The following CFTR variants were observed in gnomAD, a reference collection of about 807,000 sequenced individuals.
CFTR encodes CF transmembrane conductance regulator, also known as cystic fibrosis transmembrane conductance regulator.
Under a neutral mutation model 171.6 loss-of-function variants are expected in CFTR, and 181 were observed. That is an observed-to-expected ratio of 1.05 (90% CI 0.93 to 1.19). The LOEUF (loss-of-function observed/expected upper bound fraction) is 1.19. Among genes scored for constraint, CFTR ranks in the 50% most tolerant of loss-of-function variants. The pLI is 0.00. For missense variants in CFTR, 1,968 were observed against 1,734.7 expected, an observed-to-expected ratio of 1.13 and a Z score of -2.39; for synonymous variants, 583 against 608.0, an observed-to-expected ratio of 0.96 and a Z score of 0.60.
intron 11 of CFTR, among the ~76,000 whole-genome samples, chr7:117,572,457 A>T (rs1003606290): frequency 1.1e-4 from 16 of 152,158 alleles, no homozygotes; most frequent in African/African-American, 3.6e-4. Flanking sequence ...CCCAATTTTA[A>T]TTTCTGAATT....
chr7:117,599,343 G>A (rs928052986), intron 15 of CFTR, among the ~76,000 whole-genome samples: 2 of 152,224 alleles, frequency 1.3e-5, no homozygotes, highest in South Asian at 2.1e-4. Context: ...GCTCCATGGA[G>A]TTGAACTTAT....
chr7:117,519,103 T>C (rs35490261), intron 3 of CFTR, among the ~76,000 whole-genome samples: 2,235 of 152,130 alleles, frequency 0.015, 54 homozygotes, highest in African/African-American at 0.051. Flanking sequence ...ATACCAAAAC[T>C]AAAGCATTTT....
At position 117,611,707 on chromosome 7, in the gene CFTR, G is replaced by T; in HGVS notation, c.3266G>T (p.Trp1089Leu). The T allele has an allele frequency of 1.2e-6, 2 of 1,613,376 alleles. No individual in the cohort carries two copies. Among genetic ancestry groups the T allele is most frequent in the Admixed American group, 1.7e-5 (1 of 59,878 alleles). ...HKALNLHTAN[W>L]FLYLSTLRWF... is the part of the protein sequence containing the mutation. ...GCTCTGAATTTACATACTGCCAACTGGTTCTTGTACCTGTCAACACTGCGC... is the reference window on the plus strand; with the variant it reads ...GCTCTGAATTTACATACTGCCAACTTGTTCTTGTACCTGTCAACACTGCGC... Residue 1089 changes from tryptophan (W) to leucine (L), a missense_variant, in exon 20 of 27, where the codon TGG (tryptophan) becomes TTG (leucine). Physicochemically the swap from Trp to Leu is moderately conservative, Grantham distance 61 (BLOSUM62 -2). Transcript: ENST00000003084.
Position 117,509,546 on chromosome 7 carries a change from T to C in CFTR, c.273+404T>C, listed in dbSNP as rs568020669. Among the ~76,000 whole-genome samples the C allele has an allele frequency of 7.9e-5, 12 of 152,258 alleles. No homozygotes were observed. In the South Asian group the frequency reaches 2.5e-3, roughly 32 times the overall value. On this transcript the variant is annotated intron_variant, in intron 3 of 26. Coordinates refer to ENST00000003084, the MANE Select transcript of CFTR (RefSeq NM_000492.4). Reference sequence around the variant, plus strand: ...ATTACATATATGAATGTTTGTAATATTTTGAAATCATATCTGCATGGTGAA... The same window carrying C: ...ATTACATATATGAATGTTTGTAATACTTTGAAATCATATCTGCATGGTGAA...
chr7:117,539,442 G>T (rs190919564), intron 7 of CFTR, among the ~76,000 whole-genome samples: 12 of 150,734 alleles, frequency 8.0e-5, no homozygotes, highest in Non-Finnish European at 1.6e-4. Context: ...TGTTTCAAAC[G>T]CAAATCCTGG....
At chr7:117,620,238 C>T (rs1364029330) in intron 21 of CFTR, among the ~76,000 whole-genome samples, 2 of 152,142 alleles carry the variant, frequency 1.3e-5, no homozygotes, top group Non-Finnish European at 2.9e-5. Context: ...GTGGTAAGAG[C>T]CCTGCATTCT....
chr7:117,553,153 T>C (rs1436363374), intron 10 of CFTR, among the ~76,000 whole-genome samples: 1 of 152,016 alleles, frequency 6.6e-6, no homozygotes, highest in Non-Finnish European at 1.5e-5. Context: ...CCTCCAGAAC[T>C]GTGAGAAATA....
intron 21 of CFTR, 112 bp downstream of exon 21, chr7:117,614,825 A>C: frequency 1.4e-6 from 1 of 732,838 alleles, no homozygotes; most frequent in Non-Finnish European, 2.5e-6. Flanking sequence ...AAGAAATAAA[A>C]CATTACAGAT....
At chr7:117,482,440 A>G (rs1272996535) in intron 1 of CFTR, among the ~76,000 whole-genome samples, 3 of 152,180 alleles carry the variant, frequency 2.0e-5, no homozygotes, top group African/African-American at 7.2e-5. Context: ...CATCAAGTAT[A>G]AAATTTGAAG....
intron 3 of CFTR, among the ~76,000 whole-genome samples, chr7:117,521,284 C>T (rs1016772000): frequency 6.6e-6 from 1 of 151,726 alleles, no homozygotes; most frequent in Non-Finnish European, 1.5e-5. Flanking sequence ...ATATTTGTAC[C>T]TCGATCATTT....
chr7:117,592,798 T>A, intron 14 of CFTR, 141 bp downstream of exon 14: 1 of 624,224 alleles, frequency 1.6e-6, no homozygotes, highest in Non-Finnish European at 2.4e-6. Flanking sequence ...TGAAGTTCAT[T>A]AATTATACAA....
intron 21 of CFTR, among the ~76,000 whole-genome samples, chr7:117,624,006 A>C (rs1270453458): frequency 6.6e-6 from 1 of 151,694 alleles, no homozygotes; most frequent in East Asian, 1.9e-4. Context: ...TTTTTTTTTT[A>C]AGAGTTCCCC....
At chr7:117,644,556 T>A (rs570701804) in intron 23 of CFTR, among the ~76,000 whole-genome samples, 1 of 152,284 alleles carries the variant, frequency 6.6e-6, no homozygotes, top group Non-Finnish European at 1.5e-5. Context: ...ACATTAGAGA[T>A]CTCTGTATCA....
intron 21 of CFTR, among the ~76,000 whole-genome samples, chr7:117,624,265 CA>C (rs1451807613): frequency 5.9e-5 from 9 of 152,212 alleles, no homozygotes; most frequent in African/African-American, 2.2e-4. Flanking sequence ...TGTTGCCCTA[CA>C]TCATCTTTTG....
chr7:117,656,650 T>C (rs1021996655), intron 24 of CFTR, among the ~76,000 whole-genome samples: 1 of 152,162 alleles, frequency 6.6e-6, no homozygotes, highest in Admixed American at 6.5e-5. Context: ...TTTTAAAAAA[T>C]AAGCATTATA....
At chr7:117,591,355 A>G (rs965220352) in intron 13 of CFTR, among the ~76,000 whole-genome samples, 3 of 152,080 alleles carry the variant, frequency 2.0e-5, no homozygotes, top group Admixed American at 1.3e-4. Flanking sequence ...GATTCTAGTC[A>G]GGATTTACTT....
chr7:117,529,472 T>A (rs1434255860), intron 3 of CFTR, among the ~76,000 whole-genome samples: 24 of 132,418 alleles, frequency 1.8e-4, no homozygotes, highest in African/African-American at 6.9e-4. Context: ...CATATGTAAC[T>A]AACCTGCACA....
chr7:117,513,545 G>A (rs1394732072), intron 3 of CFTR, among the ~76,000 whole-genome samples: 2 of 151,898 alleles, frequency 1.3e-5, no homozygotes, highest in African/African-American at 4.8e-5. Context: ...ACTTCTATCT[G>A]CTGGGCCTGT....
chr7:117,572,072 G>T (rs1253322470), intron 11 of CFTR, among the ~76,000 whole-genome samples: 2 of 152,026 alleles, frequency 1.3e-5, no homozygotes, highest in African/African-American at 4.8e-5. Flanking sequence ...CATGATCTTG[G>T]CTCACTCCAA....
Sources: allele counts gnomAD v4.1 joint callset (sites outside exome capture counted in the v4.1 genomes callset), GRCh38; gene constraint gnomAD v4.1.1; transcripts MANE v1.5; gene names NCBI Gene and HGNC (gene_info 2026-07-23, HGNC 2026-07-21).